Variants in CELF2 observed in about 807,000 individuals in gnomAD.
The protein encoded by CELF2 is CUGBP Elav-like family member 2.
A neutral mutation model predicts 62.6 loss-of-function variants in CELF2; 8 were observed. The ratio of observed to expected loss-of-function variants is 0.13; its 90% CI spans 0.07 to 0.23. The LOEUF (loss-of-function observed/expected upper bound fraction) is 0.23. Among genes scored for constraint, CELF2 ranks in the 10% least tolerant of loss-of-function variants. CELF2 has a pLI of 1.00. For missense variants in CELF2, 333 were observed against 671.0 expected (o/e 0.50, Z 5.56); for synonymous variants, 258 against 250.0 (o/e 1.03, Z -0.30).
intron 1 of CELF2, among the ~76,000 whole-genome samples, chr10:10,799,923 C>T (rs1330178563): frequency 2.0e-5 from 3 of 152,168 alleles, no homozygotes; most frequent in Non-Finnish European, 4.4e-5. Context: ...TCATGTCTTC[C>T]AAATACCTTC....
chr10:11,017,862 C>G, upstream of CELF2: 1 of 806,360 alleles, frequency 1.2e-6, no homozygotes, highest in Non-Finnish European at 1.5e-6. The surrounding 1 kb of genome is among the most constrained non-coding windows in gnomAD (Gnocchi z 5.5). Flanking sequence ...GCGGGCGCCC[C>G]GCGAGCTCCG....
chr10:11,120,443 A>G (rs1444416588), intron 1 of CELF2, among the ~76,000 whole-genome samples: 1 of 152,222 alleles, frequency 6.6e-6, no homozygotes, highest in African/African-American at 2.4e-5. Flanking sequence ...GTTGAATAAC[A>G]GAAAATGAAC....
intron 2 of CELF2, among the ~76,000 whole-genome samples, chr10:10,920,523 G>A (rs1261645453): frequency 1.3e-5 from 2 of 152,072 alleles, no homozygotes; most frequent in Non-Finnish European, 2.9e-5. Context: ...ATCATAGAAA[G>A]AAATTAATAT....
chr10:11,086,600 A>AAAAC (rs2046847414), intron 1 of CELF2, among the ~76,000 whole-genome samples: 1 of 140,698 alleles, frequency 7.1e-6, no homozygotes, highest in Admixed American at 6.9e-5. Context: ...AAAAAAAAAA[A>AAAAC]AAAAAAAAAA....
At chr10:10,871,509 G>C (rs1358108042) in intron 1 of CELF2, among the ~76,000 whole-genome samples, 1 of 152,114 alleles carries the variant, frequency 6.6e-6, no homozygotes, top group Non-Finnish European at 1.5e-5. Flanking sequence ...TAGAAACCTA[G>C]CGGGAATGGC....
the CELF2 span, among the ~76,000 whole-genome samples, chr10:10,718,300 A>G: frequency 4.6e-5 from 7 of 152,096 alleles, no homozygotes; most frequent in Admixed American, 2.6e-4. Context: ...TTACCCTTTC[A>G]TTCACTTCCT....
chr10:11,036,969 G>A (rs748708133), intron 1 of CELF2, among the ~76,000 whole-genome samples: 2 of 152,104 alleles, frequency 1.3e-5, no homozygotes, highest in Non-Finnish European at 2.9e-5. Context: ...GACTGTGGGC[G>A]TCTTGCGCTT....
chr10:10,524,072 G>A, the CELF2 span, among the ~76,000 whole-genome samples: 1 of 152,146 alleles, frequency 6.6e-6, no homozygotes, highest in Non-Finnish European at 1.5e-5. Context: ...AGATACGTAA[G>A]CTGTGTGCCC....
At chr10:11,078,056 T>C (rs1206285868) in intron 1 of CELF2, among the ~76,000 whole-genome samples, 3 of 152,292 alleles carry the variant, frequency 2.0e-5, no homozygotes, top group East Asian at 3.9e-4. Flanking sequence ...CATTTGCTTC[T>C]GGTTTGAGAT....
chr10:10,469,947 A>C, the CELF2 span, among the ~76,000 whole-genome samples: 9 of 151,902 alleles, frequency 5.9e-5, no homozygotes, highest in African/African-American at 2.2e-4. Flanking sequence ...CCCTAATCTG[A>C]AAATCTGAAA....
At chr10:11,240,683 T>G (rs534748911) in intron 3 of CELF2, among the ~76,000 whole-genome samples, 31 of 152,368 alleles carry the variant, frequency 2.0e-4, no homozygotes, top group Middle Eastern at 3.4e-3. Context: ...TTTTTGTTCT[T>G]GGGCTAATTG....
At chr10:10,776,040 G>C in the CELF2 span, among the ~76,000 whole-genome samples, 3 of 152,170 alleles carry the variant, frequency 2.0e-5, no homozygotes, top group Non-Finnish European at 4.4e-5. Flanking sequence ...CTCAACAGAG[G>C]CATCATTAAT....
chr10:10,752,303 T>C, the CELF2 span, among the ~76,000 whole-genome samples: 1 of 152,240 alleles, frequency 6.6e-6, no homozygotes, highest in Non-Finnish European at 1.5e-5. Flanking sequence ...ATGCCAGTAG[T>C]AGCAAGTGGA....
chr10:10,845,627 T>C (rs1035315687), intron 1 of CELF2, among the ~76,000 whole-genome samples: 1 of 152,206 alleles, frequency 6.6e-6, no homozygotes, highest in African/African-American at 2.4e-5. Flanking sequence ...ATCAGCTTAA[T>C]TTAATCATTT....
chr10:11,196,944 G>A (rs1305293163), intron 2 of CELF2, among the ~76,000 whole-genome samples: 1 of 149,102 alleles, frequency 6.7e-6, no homozygotes, highest in Admixed American at 6.7e-5. Flanking sequence ...GGGCGACAGA[G>A]CGAGACTCTG....
chr10:10,534,343 G>T, the CELF2 span, among the ~76,000 whole-genome samples: 6 of 152,152 alleles, frequency 3.9e-5, no homozygotes, highest in African/African-American at 1.4e-4. Context: ...ATAATTTGAG[G>T]CAACTCAGAG....
At chr10:10,576,024 A>G in the CELF2 span, among the ~76,000 whole-genome samples, 1 of 152,220 alleles carries the variant, frequency 6.6e-6, no homozygotes, top group South Asian at 2.1e-4. Flanking sequence ...CTAACATAAA[A>G]GGTTTTGCAT....
intron 1 of CELF2, among the ~76,000 whole-genome samples, chr10:10,916,342 T>C (rs940578508): frequency 6.6e-6 from 1 of 152,238 alleles, no homozygotes. Flanking sequence ...TGGAGCTACA[T>C]GCACCAATGA....
chr10:10,712,817 T>C, the CELF2 span, among the ~76,000 whole-genome samples: 1 of 152,216 alleles, frequency 6.6e-6, no homozygotes, highest in African/African-American at 2.4e-5. Flanking sequence ...ACCACTCACC[T>C]TCTCCACTGC....
Sources: gnomAD v4.1 joint callset for allele counts (sites outside exome capture counted in the v4.1 genomes callset) on GRCh38, gnomAD v4.1.1 for gene constraint, Gnocchi (gnomAD v3.1) non-coding constraint, MANE v1.5 for transcripts, NCBI Gene and HGNC (gene_info 2026-07-23, HGNC 2026-07-21) for gene names.